Variants in GIGYF2 observed in about 807,000 individuals in gnomAD.
The protein encoded by GIGYF2 is GRB10 interacting GYF protein 2.
In GIGYF2, 25 loss-of-function variants were observed where a neutral mutation model predicts 208.1. The observed-to-expected ratio is 0.12, with a 90% CI of 0.09 to 0.17. GIGYF2 has a LOEUF of 0.17. Ranked by LOEUF, GIGYF2 falls within the 10% of genes least tolerant of loss-of-function variation. The pLI is 1.00. For synonymous variants in GIGYF2, 534 were observed against 543.8 expected (o/e 0.98, Z 0.25); for missense variants, 1,302 against 1,579.4 (o/e 0.82, Z 2.98).
At chr2:232,750,864 C>G (rs1032607513) in intron 5 of GIGYF2, among the ~76,000 whole-genome samples, 1 of 152,118 alleles carries the variant, frequency 6.6e-6, no homozygotes, top group Non-Finnish European at 1.5e-5. Flanking sequence ...GGGTCTCACT[C>G]TGTCACCCAG....
Position 232,761,387 on chromosome 2 carries a change from C to G in GIGYF2, c.492-9C>G. The stretch of plus-strand genomic sequence containing the variant: ...AGACTTTGTTTGAAACTTATTTTTT[C>G]TTTTCCAGGGGTGACAGACGTTTTG... On this transcript the variant is annotated splice_polypyrimidine_tract_variant and intron_variant, in intron 7 of 28. Coordinates refer to ENST00000373563, the MANE Select transcript of GIGYF2 (RefSeq NM_001103146.3). The G allele has an allele frequency of 6.3e-7, 1 of 1,595,734 alleles. No homozygotes were observed. Among genetic ancestry groups the G allele is most frequent in the Non-Finnish European group, 8.6e-7 (1 of 1,163,738 alleles).
chr2:232,763,369 A>G (rs1160925176), intron 8 of GIGYF2, among the ~76,000 whole-genome samples: 1 of 152,176 alleles, frequency 6.6e-6, no homozygotes, highest in African/African-American at 2.4e-5. Context: ...CAAGACCCCC[A>G]GTGGATGCCT....
chr2:232,765,036 A>G (rs1390288433), intron 8 of GIGYF2, among the ~76,000 whole-genome samples: 3 of 152,190 alleles, frequency 2.0e-5, no homozygotes, highest in Non-Finnish European at 4.4e-5. Flanking sequence ...AGTATCTACT[A>G]TTATATAACT....
chr2:232,827,214 T>TTTTTTTTTTTTTTTTTTTTTTTTTTG (rs1466147543), intron 21 of GIGYF2, among the ~76,000 whole-genome samples: 1 of 152,262 alleles, frequency 6.6e-6, no homozygotes, highest in Admixed American at 6.5e-5. Context: ...CATTGTTTTT[T>TTTTTTTTTTTTTTTTTTTTTTTTTTG]AAGACATAAT....
intron 21 of GIGYF2, among the ~76,000 whole-genome samples, chr2:232,830,539 C>T (rs112743703): frequency 0.011 from 1,666 of 152,132 alleles, 27 homozygotes; most frequent in South Asian, 0.05. Flanking sequence ...ACACAGTTTC[C>T]CCTGCTGTTA....
In GIGYF2 at chr2:232,803,810, C is replaced by T. The variant is rs1464321499; in HGVS notation, c.1640-2681C>T. On this transcript the variant is annotated intron_variant, in intron 14 of 28. Transcript: ENST00000373563. ...TCACGCCATTCTCCTGCCTCAGCCT[C>T]CCGAGTAGCTGGGACTACAGGCGCC... 3.1e-5 allele frequency among the ~76,000 whole-genome samples: 2 copies of T among 64,944 alleles called. 1 individual carries two copies. The highest frequency in any genetic ancestry group is 1.6e-4 in the African/African-American group (2 of 12,790). 42.6% of individuals were successfully genotyped at this position (64,944 alleles called of 152,430 possible).
intron 1 of GIGYF2, among the ~76,000 whole-genome samples, chr2:232,699,989 C>A (rs1695774733): frequency 6.6e-6 from 1 of 152,182 alleles, no homozygotes; most frequent in African/African-American, 2.4e-5. Flanking sequence ...TGATTTCCTT[C>A]CAGTTTATCT....
intron 2 of GIGYF2, among the ~76,000 whole-genome samples, chr2:232,706,984 T>C (rs2106248759): frequency 6.6e-6 from 1 of 150,842 alleles, no homozygotes; most frequent in Non-Finnish European, 1.5e-5. Context: ...TTTCACAGGA[T>C]CTAGGGAATC....
In GIGYF2 at chr2:232,856,786, T is replaced by C. The variant is rs771446953; in HGVS notation, c.3833-7T>C. 11 of 1,609,770 alleles carry C rather than the reference T, an allele frequency of 6.8e-6. No individual in the cohort carries two copies. The highest frequency in any genetic ancestry group is 2.2e-5 in the East Asian group (1 of 44,870). On this transcript the variant is annotated splice_polypyrimidine_tract_variant and splice_region_variant and intron_variant, in intron 28 of 28. Transcript: ENST00000373563. ...GTGGTCACTCATAGCCAGTTTTTTT[T>C]CTGCAGGATTTTCAGTCAATGCATC... is the stretch of plus-strand genomic sequence containing the variant.
At chr2:232,753,633 G>A (rs1028796440) in intron 5 of GIGYF2, among the ~76,000 whole-genome samples, 2 of 152,118 alleles carry the variant, frequency 1.3e-5, no homozygotes, top group African/African-American at 2.4e-5. Flanking sequence ...ACTGTTCTAA[G>A]CACTTAACAT....
intron 9 of GIGYF2, among the ~76,000 whole-genome samples, chr2:232,789,147 A>G (rs1699998808): frequency 6.6e-6 from 1 of 152,188 alleles, no homozygotes; most frequent in Admixed American, 6.5e-5. Flanking sequence ...GTCAGCCTTA[A>G]TAAGTACCTT....
chr2:232,854,010 T>G (rs780457826), intron 28 of GIGYF2, among the ~76,000 whole-genome samples: 1 of 152,244 alleles, frequency 6.6e-6, no homozygotes, highest in Non-Finnish European at 1.5e-5. Context: ...TGAGTAAAAT[T>G]AATTTAGCTT....
intron 25 of GIGYF2, among the ~76,000 whole-genome samples, chr2:232,844,784 C>CACTT (rs1185382834): frequency 2.6e-5 from 4 of 152,178 alleles, no homozygotes; most frequent in Non-Finnish European, 5.9e-5. Context: ...TCCTGCTGAG[C>CACTT]ACTTATTCTA....
chr2:232,833,562 G>A (rs1701490357), intron 22 of GIGYF2, among the ~76,000 whole-genome samples: 1 of 152,204 alleles, frequency 6.6e-6, no homozygotes, highest in South Asian at 2.1e-4. Context: ...AAATGAGAGA[G>A]GAGTAAACAA....
At chr2:232,849,577 G>C (rs369808516) in intron 27 of GIGYF2, among the ~76,000 whole-genome samples, 1 of 152,116 alleles carries the variant, frequency 6.6e-6, no homozygotes, top group Non-Finnish European at 1.5e-5. Context: ...CAGTAAGCAC[G>C]TGCACCCATG....
At chr2:232,844,596 C>G in intron 25 of GIGYF2, 22 bp downstream of exon 25, 1 of 1,530,306 alleles carries the variant, frequency 6.5e-7, no homozygotes, top group East Asian at 2.3e-5. Context: ...AATGACCACA[C>G]CTATGCACCT....
intron 2 of GIGYF2, among the ~76,000 whole-genome samples, chr2:232,722,398 G>A (rs1288028770): frequency 6.6e-6 from 1 of 152,094 alleles, no homozygotes; most frequent in Admixed American, 6.5e-5. Context: ...CAGATCTGAT[G>A]AGAACAGCAT....
rs150113661 is a variant in GIGYF2 at position 232,829,094 on chromosome 2, A to G, written c.2530-3763A>G. On this transcript the variant is annotated intron_variant, in intron 21 of 28. Transcript: ENST00000373563. ...AAATTAGCCATGCATTTTCATCTTA[A>G]GAAAACAGATGCTAAAATCTGAAAC... 4.2e-4 allele frequency among the ~76,000 whole-genome samples: 64 copies of G among 152,330 alleles called. No individual in the cohort carries two copies. The East Asian group carries it at 7.9e-3, about 19-fold the overall frequency.
intron 2 of GIGYF2, among the ~76,000 whole-genome samples, chr2:232,720,721 A>C (rs1696905629): frequency 6.6e-6 from 1 of 152,012 alleles, no homozygotes. Context: ...CAGCCTCCTG[A>C]ATAGCTGGGA....
Sources: allele counts gnomAD v4.1 joint callset (sites outside exome capture counted in the v4.1 genomes callset), GRCh38; gene constraint gnomAD v4.1.1; transcripts MANE v1.5; gene names NCBI Gene and HGNC (gene_info 2026-07-23, HGNC 2026-07-21).